The following MYO3A variants were observed in gnomAD, a reference collection of about 807,000 sequenced individuals.
MYO3A encodes the protein myosin-IIIa.
A neutral mutation model predicts 192.7 loss-of-function variants in MYO3A; 180 were observed. The ratio of observed to expected loss-of-function variants is 0.93; its 90% confidence interval spans 0.83 to 1.06. MYO3A has a LOEUF of 1.06. Among genes scored for constraint, MYO3A ranks in the 50% least tolerant of loss-of-function variants. The pLI is 0.00. For missense variants in MYO3A, 1,896 were observed against 1,905.0 expected (o/e 1.00, Z 0.09); for synonymous variants, 628 against 645.3 (o/e 0.97, Z 0.41).
chr10:26,060,127 C>T lies in MYO3A; in HGVS notation c.954-6848C>T, dbSNP rs542341958. Among the ~76,000 whole-genome samples, 134 of 152,098 alleles carry T rather than the reference C, an allele frequency of 8.8e-4. 2 individuals carry two copies. Among genetic ancestry groups the T allele is most frequent in the Admixed American group, 2.0e-3 (30 of 15,278 alleles). Reference sequence around the variant, plus strand: ...ACAAAAAATTAGCCGAGTATGGTGGCGCATGCCTGTAATCCCAGCTACTTG... The same window carrying T: ...ACAAAAAATTAGCCGAGTATGGTGGTGCATGCCTGTAATCCCAGCTACTTG... On this transcript the variant is annotated intron_variant, in intron 10 of 34. Transcript: ENST00000642920.
chr10:25,986,338 A>G (rs1412415679), intron 4 of MYO3A, among the ~76,000 whole-genome samples: 2 of 152,190 alleles, frequency 1.3e-5, no homozygotes, highest in African/African-American at 2.4e-5. Flanking sequence ...TCAACATAGT[A>G]CTCGAATTCC....
At chr10:26,041,467 T>C (rs1016628727) in intron 10 of MYO3A, among the ~76,000 whole-genome samples, 3 of 152,080 alleles carry the variant, frequency 2.0e-5, no homozygotes, top group Non-Finnish European at 4.4e-5. Context: ...CATTTTGTTA[T>C]TTGTTTTCTA....
Position 26,176,865 on chromosome 10 carries a change from G to C in MYO3A, c.4438+20G>C. ...TCTCAGGTAAAAATCAGTAGAGTTA[G>C]AACTTCCTGAATGGGAAGGAAATGC... On this transcript the variant is annotated intron_variant, in intron 31 of 34. Coordinates refer to ENST00000642920, the MANE Select transcript of MYO3A (RefSeq NM_017433.5). The C allele has an allele frequency of 6.2e-7, 1 of 1,611,960 alleles. No homozygotes were observed. The highest frequency in any genetic ancestry group is 8.5e-7 in the Non-Finnish European group (1 of 1,178,060).
intron 17 of MYO3A, among the ~76,000 whole-genome samples, chr10:26,100,974 C>T (rs1455295431): frequency 6.6e-6 from 1 of 152,180 alleles, no homozygotes; most frequent in Non-Finnish European, 1.5e-5. Context: ...TCTCATTGAT[C>T]TGTCTAATAT....
chr10:26,025,140 T>C (rs17666132), intron 9 of MYO3A, among the ~76,000 whole-genome samples: 25,287 of 152,172 alleles, frequency 0.17, 2,371 homozygotes, highest in Non-Finnish European at 0.21. Flanking sequence ...GTTAAATTAA[T>C]GGAAAACTAA....
chr10:25,996,524 A>C lies in MYO3A; in HGVS notation c.338A>C (p.Lys113Thr), dbSNP rs552401938. Residue 113 changes from lysine to threonine, a missense_variant, in exon 5 of 35, where the codon AAA (lysine) becomes ACA (threonine). By Grantham distance (78) the Lys-to-Thr change is moderately conservative. Coordinates refer to ENST00000642920, the MANE Select transcript of MYO3A (RefSeq NM_017433.5). ...GGAGGATCAGTGACTGACCTTGTGA[A>C]AGGATTTCTGAAGAGGGGTGAAAGA... The part of the protein sequence containing the change: ...CSGGSVTDLV[K>T]GFLKRGERMS... The C allele has an allele frequency of 1.9e-6, 3 of 1,613,908 alleles. No individual in the cohort carries two copies. The highest frequency in any genetic ancestry group is 3.3e-4 in the Middle Eastern group (2 of 6,058).
At chr10:26,154,875 A>G in intron 25 of MYO3A, 52 bp downstream of exon 25, 4 of 1,470,702 alleles carry the variant, frequency 2.7e-6, no homozygotes, top group Non-Finnish European at 2.8e-6. Context: ...TTTAGTCTAA[A>G]TGAGTTACAG....
At chr10:26,022,971 C>T (rs1842382637) in intron 8 of MYO3A, 1 of 152,162 alleles carries the variant, frequency 6.6e-6, no homozygotes, top group Admixed American at 6.5e-5. Context: ...ATCTGAAAAG[C>T]TACCCAGTTC....
In MYO3A at chr10:26,157,052, A is replaced by T. The variant is rs569106177; in HGVS notation, c.2794-258A>T. ...TTTATCTGTTAATTAAAGTTGCCTT[A>T]ATGGTTTATAAGCAAACTTTTAATA... On this transcript the variant is annotated intron_variant, in intron 25 of 34. Coordinates refer to ENST00000642920, the MANE Select transcript of MYO3A (RefSeq NM_017433.5). 5.3e-5 allele frequency among the ~76,000 whole-genome samples: 8 copies of T among 152,336 alleles called. No individual in the cohort carries two copies. The South Asian group carries it at 8.3e-4, about 16-fold the overall frequency.
In MYO3A at chr10:26,080,589, T is replaced by TG. The variant is rs1452940985; in HGVS notation, c.1360-7614_1360-7613insG. On this transcript the variant is annotated intron_variant, in intron 14 of 34. Coordinates refer to ENST00000642920, the MANE Select transcript of MYO3A (RefSeq NM_017433.5). ...TTGCTGGTGAACTAGTGTAATTTTT[T>TG]TGGGGGGAGGCGGGGCGGGGGTGGG... Among the ~76,000 whole-genome samples, 570 of 94,712 alleles carry TG rather than the reference T, an allele frequency of 6.0e-3. 4 individuals are homozygous for TG. The highest frequency in any genetic ancestry group is 0.019 in the African/African-American group (518 of 26,730). The allele number at this position is 94,712 out of a possible 152,430, so 62.1% of individuals were successfully genotyped here.
chr10:26,037,551 A>G (rs1588835785), intron 10 of MYO3A, among the ~76,000 whole-genome samples: 1 of 152,170 alleles, frequency 6.6e-6, no homozygotes, highest in Admixed American at 6.5e-5. Flanking sequence ...ATTCCTTTGC[A>G]TATGTATACC....
intron 17 of MYO3A, among the ~76,000 whole-genome samples, chr10:26,101,570 GA>G (rs1277718396): frequency 6.6e-6 from 1 of 152,116 alleles, no homozygotes; most frequent in Non-Finnish European, 1.5e-5. Flanking sequence ...CTTCCTTCAG[GA>G]GCTCTTGTAA....
At chr10:26,189,804 G>T (rs983044898) in intron 31 of MYO3A, among the ~76,000 whole-genome samples, 1 of 152,138 alleles carries the variant, frequency 6.6e-6, no homozygotes, top group African/African-American at 2.4e-5. Flanking sequence ...GGTGGCTCAC[G>T]CCTGTAATCC....
chr10:26,069,839 A>G (rs932146915), intron 12 of MYO3A, among the ~76,000 whole-genome samples: 1 of 152,064 alleles, frequency 6.6e-6, no homozygotes, highest in Non-Finnish European at 1.5e-5. Context: ...GAAACCTTAC[A>G]TTCTGCTTTG....
intron 32 of MYO3A, 113 bp from the exon 33 acceptor site, chr10:26,201,152 T>C (rs1843656627): frequency 2.4e-6 from 1 of 418,974 alleles, no homozygotes. Flanking sequence ...CTTGCTTATT[T>C]CTAACTTAGT....
intron 21 of MYO3A, among the ~76,000 whole-genome samples, chr10:26,144,898 A>G (rs556104356): frequency 1.4e-4 from 21 of 152,298 alleles, no homozygotes; most frequent in Admixed American, 5.9e-4. Flanking sequence ...ACCCTCAGCC[A>G]GGTGCAGTGG....
At chr10:26,202,794 C>A in intron 33 of MYO3A, 170 bp from the exon 34 acceptor site, 1 of 694,296 alleles carries the variant, frequency 1.4e-6, no homozygotes. Context: ...TTCTTTTTTA[C>A]TTATGGGATA....
chr10:26,101,026 A>G (rs1364498065), intron 17 of MYO3A, among the ~76,000 whole-genome samples: 1 of 152,092 alleles, frequency 6.6e-6, no homozygotes, highest in Admixed American at 6.5e-5. Context: ...AATGTGTGGG[A>G]GTCTACGTCT....
intron 10 of MYO3A, among the ~76,000 whole-genome samples, chr10:26,050,428 T>G (rs2131283660): frequency 6.6e-6 from 1 of 152,346 alleles, no homozygotes; most frequent in South Asian, 2.1e-4. Context: ...CCACAGAAAC[T>G]TGCAGCGGCT....
Sources: gnomAD v4.1 joint callset for allele counts (sites outside exome capture counted in the v4.1 genomes callset) on GRCh38, gnomAD v4.1.1 for gene constraint, MANE v1.5 for transcripts, NCBI Gene and HGNC (gene_info 2026-07-23, HGNC 2026-07-21) for gene names.